The following PRDM14 variants were observed in gnomAD, a reference collection of about 807,000 sequenced individuals.
PRDM14 encodes the protein PR domain zinc finger protein 14.
Under a neutral mutation model 48.0 loss-of-function variants are expected in PRDM14, and 16 were observed. The ratio of observed to expected loss-of-function variants is 0.33; its 90% confidence interval spans 0.23 to 0.51. The LOEUF (loss-of-function observed/expected upper bound fraction) is 0.51. PRDM14 is among the 20% of genes least tolerant of loss of function. PRDM14 has a pLI of 0.97. For missense variants in PRDM14, 566 were observed against 719.6 expected (o/e 0.79, Z 2.44); for synonymous variants, 264 against 276.6 (o/e 0.95, Z 0.45).
At chr8:70,067,451 GA>G (rs1805687368) in intron 4 of PRDM14, among the ~76,000 whole-genome samples, 1 of 151,098 alleles carries the variant, frequency 6.6e-6, no homozygotes, top group Non-Finnish European at 1.5e-5. Flanking sequence ...CCAGGAGGTG[GA>G]GGTCACAGTG....
intron 6 of PRDM14, among the ~76,000 whole-genome samples, chr8:70,057,735 A>T (rs1199250634): frequency 6.6e-6 from 1 of 152,218 alleles, no homozygotes; most frequent in Admixed American, 6.5e-5. Context: ...CAGTCTAATA[A>T]GCGAGAAATA....
chr8:70,060,414 A>AAAAC (rs140984913), intron 5 of PRDM14, among the ~76,000 whole-genome samples: 1 of 148,976 alleles, frequency 6.7e-6, no homozygotes, highest in Non-Finnish European at 1.5e-5. Flanking sequence ...AAAAAAAAAA[A>AAAAC]CATAACCATA....
At chr8:70,054,641 C>G (rs1184590080) in intron 7 of PRDM14, among the ~76,000 whole-genome samples, 1 of 148,806 alleles carries the variant, frequency 6.7e-6, no homozygotes, top group Non-Finnish European at 1.5e-5. Flanking sequence ...GCCTCAGCCT[C>G]CCAAGTAGCT....
At chr8:70,059,470 C>T (rs1805539649) in intron 5 of PRDM14, among the ~76,000 whole-genome samples, 1 of 151,718 alleles carries the variant, frequency 6.6e-6, no homozygotes. Flanking sequence ...TGGGGTTTCA[C>T]CATCTTGGCC....
intron 5 of PRDM14, among the ~76,000 whole-genome samples, chr8:70,064,564 G>A (rs1373019362): frequency 8.4e-5 from 12 of 142,970 alleles, no homozygotes; most frequent in Admixed American, 5.2e-4. Context: ...TCGCTCTGTC[G>A]CCCAGGCTGG....
At chr8:70,065,043 C>T (rs530356931) in intron 5 of PRDM14, among the ~76,000 whole-genome samples, 86 of 152,022 alleles carry the variant, frequency 5.7e-4, no homozygotes, top group African/African-American at 1.6e-3. Flanking sequence ...TGTGCCACTA[C>T]GCCCCGCTAA....
Position 70,068,660 on chromosome 8 carries a change from A to T in PRDM14, c.701-128T>A, listed in dbSNP as rs1210426952. ...AGTTTGATATTTATTTGTTGTTTCT[A>T]TTTTTCCCTGCTCATTTTACATGGT... On this transcript the variant is annotated intron_variant, in intron 2 of 7. Transcript: ENST00000276594. The T allele has an allele frequency of 2.2e-5, 17 of 782,246 alleles. No individual in the cohort carries two copies. The East Asian group carries it at 4.5e-4, about 21-fold the overall frequency. The allele number at this position is 782,246 out of a possible 1,614,324, so 48.5% of individuals were successfully genotyped here. A position where few individuals can be genotyped will look rare whatever the true frequency, so the allele number is the denominator to read the frequency against.
intron 5 of PRDM14, among the ~76,000 whole-genome samples, chr8:70,062,554 C>T (rs919446740): frequency 4.6e-5 from 7 of 151,822 alleles, no homozygotes; most frequent in Admixed American, 3.3e-4. Context: ...AACCTCCGCC[C>T]CCGGTTTCAA....
intron 7 of PRDM14, among the ~76,000 whole-genome samples, chr8:70,053,027 G>A (rs1054783640): frequency 1.3e-5 from 2 of 148,838 alleles, no homozygotes; most frequent in African/African-American, 5.0e-5. Context: ...TGAGCCAGAA[G>A]GTCAAGGCTG....
chr8:70,055,996 T>A (rs1241894702), intron 6 of PRDM14, among the ~76,000 whole-genome samples: 1 of 152,170 alleles, frequency 6.6e-6, no homozygotes, highest in Non-Finnish European at 1.5e-5. Flanking sequence ...GAGCTATGAG[T>A]AAACTACAAG....
At chr8:70,053,990 T>C (rs1805431908) in intron 7 of PRDM14, among the ~76,000 whole-genome samples, 1 of 152,222 alleles carries the variant, frequency 6.6e-6, no homozygotes, top group Non-Finnish European at 1.5e-5. Flanking sequence ...ACTTAAAATG[T>C]GGCTAATGCA....
rs760125545 is a variant in PRDM14 at position 70,069,861 on chromosome 8, C to T, written c.-1G>A. The T allele has an allele frequency of 7.6e-6, 12 of 1,584,398 alleles. No individual in the cohort carries two copies. The South Asian group carries it at 1.3e-4, about 17-fold the overall frequency. ...CCTCACTTGGCCGGGGTAGAGCCATCCCGGGACCGCACGCTCGGCGGCTCT... is the reference window on the plus strand; with the variant it reads ...CCTCACTTGGCCGGGGTAGAGCCATTCCGGGACCGCACGCTCGGCGGCTCT... On this transcript the variant is annotated 5_prime_UTR_variant, in exon 2 of 8. Coordinates refer to ENST00000276594, the MANE Select transcript of PRDM14 (RefSeq NM_024504.4).
chr8:70,064,577 T>G (rs972839313), intron 5 of PRDM14, among the ~76,000 whole-genome samples: 7 of 151,150 alleles, frequency 4.6e-5, no homozygotes, highest in Non-Finnish European at 7.4e-5. Flanking sequence ...CAGGCTGGTG[T>G]GCAGTGGCGC....
intron 5 of PRDM14, among the ~76,000 whole-genome samples, chr8:70,064,259 CTTA>C (rs1351325572): frequency 1.3e-5 from 2 of 151,918 alleles, no homozygotes; most frequent in Non-Finnish European, 2.9e-5. Flanking sequence ...ATAATGACTG[CTTA>C]TTATTTACCC....
Position 70,069,770 on chromosome 8 carries a change from TG to T in PRDM14, c.90del (p.Tyr30Ter). ...TAGTGTCCATAGGACGGGAAAGGCG[TG>T]TAGTACGCGGCCAGGTTCTGCGGGC... is the stretch of plus-strand genomic sequence containing the variant. ...ESSPQNLAAY[Y>X]TPFPSYGHYR... On this transcript the variant is annotated frameshift_variant, in exon 2 of 8. Transcript: ENST00000276594. LOFTEE classifies it high-confidence loss of function. 3.1e-6 allele frequency: 5 copies of T among 1,609,578 alleles called. No individual in the cohort carries two copies. Among genetic ancestry groups the T allele is most frequent in the Non-Finnish European group, 3.4e-6 (4 of 1,178,476 alleles).
intron 5 of PRDM14, among the ~76,000 whole-genome samples, chr8:70,060,693 C>T (rs906216756): frequency 5.3e-5 from 8 of 152,188 alleles, no homozygotes; most frequent in Non-Finnish European, 1.2e-4. Context: ...CATTTAAGGG[C>T]AGTGCAACCC....
chr8:70,067,675 C>G (rs1805694299), intron 4 of PRDM14, among the ~76,000 whole-genome samples: 1 of 152,054 alleles, frequency 6.6e-6, no homozygotes, highest in Non-Finnish European at 1.5e-5. Flanking sequence ...TACTATATTC[C>G]TAGAAGTAGA....
At chr8:70,054,830 T>G (rs1159253102) in intron 7 of PRDM14, among the ~76,000 whole-genome samples, 1 of 151,458 alleles carries the variant, frequency 6.6e-6, no homozygotes. Flanking sequence ...CCCCCTCCTT[T>G]TTTTTTTGAG....
At chr8:70,066,116 C>T (rs981665883) in intron 5 of PRDM14, 119 bp downstream of exon 5, 21 of 1,120,956 alleles carry the variant, frequency 1.9e-5, no homozygotes, top group South Asian at 3.1e-5. Context: ...GAGACACTCT[C>T]GGTTAGTCCT....
Sources: gnomAD v4.1 joint callset for allele counts (sites outside exome capture counted in the v4.1 genomes callset) on GRCh38, gnomAD v4.1.1 for gene constraint, MANE v1.5 for transcripts, NCBI Gene and HGNC (gene_info 2026-07-23, HGNC 2026-07-21) for gene names.